ERAL1: variants seen among roughly 807,000 people sequenced by gnomAD.
ERAL1 encodes GTPase Era, mitochondrial.
In ERAL1, 36 loss-of-function variants were observed where a neutral mutation model predicts 53.6. The ratio of observed to expected loss-of-function variants is 0.67; its 90% CI spans 0.51 to 0.89. The LOEUF (loss-of-function observed/expected upper bound fraction) is 0.89. Ranked by LOEUF, ERAL1 falls within the 40% of genes least tolerant of loss-of-function variation. The probability of loss-of-function intolerance (pLI) is 0.00; values close to 1 mark genes in which losing one functional copy is unlikely to be tolerated. For missense variants in ERAL1, 512 were observed against 537.5 expected (o/e 0.95, Z 0.47); for synonymous variants, 215 against 211.8 (o/e 1.02, Z -0.13).
intron 9 of ERAL1, among the ~76,000 whole-genome samples, chr17:28,859,734 T>C (rs1319998381): frequency 6.6e-6 from 1 of 151,600 alleles, no homozygotes; most frequent in Non-Finnish European, 1.5e-5. Flanking sequence ...GAGATGGGGT[T>C]TCACCATCTT....
At chr17:28,859,367 C>G (rs143230907) in intron 9 of ERAL1, 84 bp downstream of exon 9, 32 of 1,231,164 alleles carry the variant, frequency 2.6e-5, no homozygotes, top group Non-Finnish European at 3.7e-5. Context: ...GAGAGCAGGA[C>G]CATATCCTTC....
chr17:28,855,938 A>G (rs2039237597), intron 1 of ERAL1, among the ~76,000 whole-genome samples: 1 of 152,180 alleles, frequency 6.6e-6, no homozygotes. Flanking sequence ...ACAGCTATAC[A>G]TTATAATTAC....
intron 9 of ERAL1, among the ~76,000 whole-genome samples, chr17:28,859,908 A>G (rs529616404): frequency 6.6e-6 from 1 of 152,148 alleles, no homozygotes; most frequent in Admixed American, 6.6e-5. Context: ...CAGTCCATGC[A>G]CCTTGGCCTC....
At chr17:28,856,160 C>T in intron 1 of ERAL1, 104 bp from the exon 2 acceptor site, 4 of 1,412,454 alleles carry the variant, frequency 2.8e-6, no homozygotes, top group Non-Finnish European at 3.9e-6. Flanking sequence ...CAACCTGGTG[C>T]ACTAATTTTG....
chr17:28,855,781 G>A (rs944229244), intron 1 of ERAL1, among the ~76,000 whole-genome samples: 5 of 128,386 alleles, frequency 3.9e-5, no homozygotes, highest in East Asian at 2.2e-4. Context: ...CCTTCCTCCC[G>A]TCCCTCCTTC....
Position 28,860,426 on chromosome 17 carries a change from C to T in ERAL1, c.1192-5C>T, listed in dbSNP as rs2039293487. ...CTGGCTTCCTTCTCTTTCACATACC[C>T]TCAGAAACTCCTGATTGGTCCGAAG... is the stretch of plus-strand genomic sequence containing the variant. On this transcript the variant is annotated splice_region_variant and splice_polypyrimidine_tract_variant and intron_variant, in intron 9 of 9. Coordinates refer to ENST00000254928, the MANE Select transcript of ERAL1 (RefSeq NM_005702.4). 3 of 1,611,452 alleles carry T rather than the reference C, an allele frequency of 1.9e-6. No homozygotes were observed. Among genetic ancestry groups the T allele is most frequent in the Non-Finnish European group, 2.5e-6 (3 of 1,178,890 alleles).
At position 28,858,222 on chromosome 17, in the gene ERAL1, GGGAAC is replaced by G. The variant is rs1187792839; in HGVS notation, c.598+16_598+20del. 1.9e-5 allele frequency: 31 copies of G among 1,613,410 alleles called. No individual in the cohort carries two copies. The highest frequency in any genetic ancestry group is 2.6e-5 in the Non-Finnish European group (31 of 1,179,870). ...TGCTGATCTTGGTTAGGTTCAGGAT[GGGAAC>G]CTTAAGCCCAGTTTACAGGGGTCAT... On this transcript the variant is annotated intron_variant, in intron 5 of 9. Coordinates refer to ENST00000254928, the MANE Select transcript of ERAL1 (RefSeq NM_005702.4).
chr17:28,858,359 C>T lies in ERAL1; in HGVS notation c.599-15C>T, dbSNP rs2039266377. The T allele has an allele frequency of 1.2e-6, 2 of 1,613,474 alleles. No homozygotes were observed. Among genetic ancestry groups the T allele is most frequent in the African/African-American group, 1.3e-5 (1 of 74,898 alleles). Reference sequence around the variant, plus strand: ...ACCATTTCCTTTTCCTTCTTCCTGCCTTGCCATCTTCTAGTTGTGGTTCTT... The same window carrying T: ...ACCATTTCCTTTTCCTTCTTCCTGCTTTGCCATCTTCTAGTTGTGGTTCTT... On this transcript the variant is annotated splice_polypyrimidine_tract_variant and intron_variant, in intron 5 of 9. Transcript: ENST00000254928.
chr17:28,856,554 G>A lies in ERAL1; in HGVS notation c.461G>A (p.Gly154Glu), dbSNP rs1567918472. 6.2e-7 allele frequency: 1 copy of A among 1,613,952 alleles called. No individual in the cohort carries two copies. The highest frequency in any genetic ancestry group is 8.5e-7 in the Non-Finnish European group (1 of 1,179,964). ...CATACTACTCGCTGCCAAGCTCTGG[G>A]GGTCATCACAGAGAAGGAGACCCAG... ...KVHTTRCQAL[G>E]VITEKETQVI... is the part of the protein sequence containing the mutation. Residue 154 changes from glycine (G) to glutamate (E), a missense_variant, in exon 3 of 10, where the codon GGG (glycine) becomes GAG (glutamate). Transcript: ENST00000254928.
In ERAL1 at chr17:28,860,510, T is replaced by C. The variant is rs1294952037; in HGVS notation, c.1271T>C (p.Leu424Pro). 4 of 1,607,350 alleles carry C rather than the reference T, an allele frequency of 2.5e-6. No individual in the cohort carries two copies. The East Asian group carries it at 9.0e-5, about 36-fold the overall frequency. The change falls in exon 10 of 10, where the codon CTC (leucine) becomes CCC (proline). Residue 424 changes from leucine (L) to proline (P), a missense_variant. Leu to Pro is a moderately conservative substitution (Grantham distance 98). Transcript: ENST00000254928. ...EAGHDLMDIF[L>P]CDVDIRLSVK... Reference sequence around the variant, plus strand: ...GGCCATGACCTCATGGACATCTTCCTCTGCGATGTTGACATCCGCCTCTCT... The same window carrying C: ...GGCCATGACCTCATGGACATCTTCCCCTGCGATGTTGACATCCGCCTCTCT...
intron 4 of ERAL1, 57 bp downstream of exon 4, chr17:28,858,042 G>C: frequency 6.2e-7 from 1 of 1,613,298 alleles, no homozygotes; most frequent in South Asian, 1.1e-5. Flanking sequence ...AGGGTGGGGA[G>C]ATTCCATTAT....
At chr17:28,855,992 A>G (rs2083302432) in intron 1 of ERAL1, among the ~76,000 whole-genome samples, 1 of 152,172 alleles carries the variant, frequency 6.6e-6, no homozygotes. Flanking sequence ...GAGTTGTTTT[A>G]CACAATTGCT....
chr17:28,856,668 A>T, intron 3 of ERAL1, 86 bp downstream of exon 3: 2 of 1,162,310 alleles, frequency 1.7e-6, no homozygotes, highest in Non-Finnish European at 2.6e-6. Flanking sequence ...GAAGAAAATG[A>T]TGGTCACATT....
At position 28,859,263 on chromosome 17, in the gene ERAL1, G is replaced by GGATA; in HGVS notation, c.1171_1172insGATA (p.Val391GlyfsTer29). 1 of 1,614,178 alleles carries GGATA rather than the reference G, an allele frequency of 6.2e-7. No homozygotes were observed. Among genetic ancestry groups the GGATA allele is most frequent in the East Asian group, 2.2e-5 (1 of 44,882 alleles). ...GCTGGTTATCCAACAGAAGCTTCTG[G>GGATA]TGCCCAAAGAATCTTATGTGGTAAG... is the stretch of plus-strand genomic sequence containing the variant. On this transcript the variant is annotated frameshift_variant, in exon 9 of 10. Transcript: ENST00000254928. LOFTEE classifies it high-confidence loss of function.
Position 28,858,989 on chromosome 17 carries a change from C to T in ERAL1, c.986C>T (p.Pro329Leu). The change falls in exon 8 of 10, where the codon CCA (proline) becomes CTA (leucine). Residue 329 changes from proline (P) to leucine (L), a missense_variant. Physicochemically the swap from Pro to Leu is moderately conservative, Grantham distance 98. Coordinates refer to ENST00000254928, the MANE Select transcript of ERAL1 (RefSeq NM_005702.4). ...LKQYLLTQAQ[P>L]GPWEYHSAVL... ...CAATACCTTCTGACACAGGCCCAGC[C>T]AGGGCCCTGGGAGTACCACAGTGCA... 1 of 1,614,174 alleles carries T rather than the reference C, an allele frequency of 6.2e-7. No homozygotes were observed. The highest frequency in any genetic ancestry group is 8.5e-7 in the Non-Finnish European group (1 of 1,180,030).
In ERAL1 at chr17:28,856,651, C is replaced by T. The variant is rs187981459; in HGVS notation, c.489+69C>T. 56 of 1,376,854 alleles carry T rather than the reference C, an allele frequency of 4.1e-5. No homozygotes were observed. In the East Asian group the frequency reaches 1.2e-3, roughly 29 times the overall value. The allele number at this position is 1,376,854 out of a possible 1,614,324, so 85.3% of individuals were successfully genotyped here. A position where few individuals can be genotyped will look rare whatever the true frequency, so the allele number is the denominator to read the frequency against. On this transcript the variant is annotated intron_variant, in intron 3 of 9. Coordinates refer to ENST00000254928, the MANE Select transcript of ERAL1 (RefSeq NM_005702.4). ...AAGCTAAGAGGGTCTCCCTTACCAT[C>T]AGCCTTGAAGAAAATGATGGTCACA...
Position 28,858,136 on chromosome 17 carries a change from TG to T in ERAL1, c.537-9del. ...AGACCTTTCCTGACTGATGTATGTC[TG>T]TCCCTCAGGCATCACCTGGAGCTCT... On this transcript the variant is annotated splice_polypyrimidine_tract_variant and intron_variant, in intron 4 of 9. Transcript: ENST00000254928. 6.2e-7 allele frequency: 1 copy of T among 1,614,154 alleles called. No individual in the cohort carries two copies. The highest frequency in any genetic ancestry group is 2.2e-5 in the East Asian group (1 of 44,878).
intron 3 of ERAL1, among the ~76,000 whole-genome samples, chr17:28,857,041 T>C (rs2039253998): frequency 6.6e-6 from 1 of 151,428 alleles, no homozygotes; most frequent in Admixed American, 6.6e-5. Flanking sequence ...CCTTTAGGCA[T>C]GGTACAGTTC....
At chr17:28,857,079 C>G (rs1445834763) in intron 3 of ERAL1, among the ~76,000 whole-genome samples, 2 of 150,716 alleles carry the variant, frequency 1.3e-5, no homozygotes, top group Non-Finnish European at 3.0e-5. Context: ...CCCCTGACAT[C>G]TAGTCAGAAA....
Sources: gnomAD v4.1 joint callset for allele counts (sites outside exome capture counted in the v4.1 genomes callset) on GRCh38, gnomAD v4.1.1 for gene constraint, MANE v1.5 for transcripts, NCBI Gene and HGNC (gene_info 2026-07-23, HGNC 2026-07-21) for gene names.